CUEDC2: variants seen among roughly 807,000 people sequenced by gnomAD.
CUEDC2 encodes CUE domain containing 2.
Under a neutral mutation model 36.0 loss-of-function variants are expected in CUEDC2, and 10 were observed. The ratio of observed to expected loss-of-function variants is 0.28; its 90% CI spans 0.17 to 0.47. The LOEUF (loss-of-function observed/expected upper bound fraction) is 0.47, where lower values mean the gene tolerates loss of function less well. Ranked by LOEUF, CUEDC2 falls within the 20% of genes least tolerant of loss-of-function variation. The pLI is 0.99. For missense variants in CUEDC2, 269 were observed against 368.1 expected (o/e 0.73, Z 2.20); for synonymous variants, 133 against 141.8 (o/e 0.94, Z 0.44).
In CUEDC2 at chr10:102,424,932, C is replaced by A. The variant is rs2061590547; in HGVS notation, c.75-140G>T. On this transcript the variant is annotated intron_variant, in intron 2 of 8. Coordinates refer to ENST00000369937, the MANE Select transcript of CUEDC2 (RefSeq NM_024040.3). The surrounding 1 kb of genome is among the most constrained non-coding windows in gnomAD (Gnocchi z 4.2). ...CTTTAAGGCCAGAGAGTATAACCCCCTCCCTCAGAGCTATGGTTTCCCATC... is the reference window on the plus strand; with the variant it reads ...CTTTAAGGCCAGAGAGTATAACCCCATCCCTCAGAGCTATGGTTTCCCATC... 9.7e-7 allele frequency: 1 copy of A among 1,030,652 alleles called. No homozygotes were observed. Among genetic ancestry groups the A allele is most frequent in the Non-Finnish European group, 1.4e-6 (1 of 707,670 alleles). The allele number at this position is 1,030,652 out of a possible 1,614,324, so 63.8% of individuals were successfully genotyped here.
At chr10:102,425,247 C>T (rs1347827890) in intron 1 of CUEDC2, 49 bp from the exon 2 acceptor site, 3 of 1,411,266 alleles carry the variant, frequency 2.1e-6, no homozygotes, top group Admixed American at 1.7e-5. Context: ...CCTGCCCCCA[C>T]CCACTGGGCC....
intron 1 of CUEDC2, among the ~76,000 whole-genome samples, chr10:102,428,483 C>T (rs2061605816): frequency 6.6e-6 from 1 of 152,162 alleles, no homozygotes; most frequent in Non-Finnish European, 1.5e-5. Flanking sequence ...CCAGCACGGG[C>T]ATTTTTCTAG....
rs80152299 is a variant in CUEDC2, at chr10:102,430,746, G to A, written c.-11+1780C>T. On this transcript the variant is annotated intron_variant, in intron 1 of 8. Coordinates refer to ENST00000369937, the MANE Select transcript of CUEDC2 (RefSeq NM_024040.3). ...TCCTAAGTACATCCTTCCTGCTCAG[G>A]GGCTCCTAATACTTCTCCCCGCATA... 9.1e-3 allele frequency among the ~76,000 whole-genome samples: 1,384 copies of A among 152,210 alleles called. 19 individuals are homozygous for A. Among genetic ancestry groups the A allele is most frequent in the East Asian group, 0.074 (382 of 5,182 alleles).
chr10:102,426,514 C>A (rs145943166), intron 1 of CUEDC2, among the ~76,000 whole-genome samples: 20 of 152,316 alleles, frequency 1.3e-4, no homozygotes, highest in African/African-American at 4.3e-4. Context: ...CCTCTTTCAC[C>A]CCTACCAGTC....
At chr10:102,427,257 CCTT>C (rs2061600450) in intron 1 of CUEDC2, among the ~76,000 whole-genome samples, 1 of 152,168 alleles carries the variant, frequency 6.6e-6, no homozygotes, top group African/African-American at 2.4e-5. Context: ...GGCTGCCTCT[CCTT>C]CTCACTGCAG....
chr10:102,428,234 C>T (rs2061604903), intron 1 of CUEDC2, among the ~76,000 whole-genome samples: 1 of 151,510 alleles, frequency 6.6e-6, no homozygotes, highest in South Asian at 2.1e-4. Flanking sequence ...ACAAAGCACC[C>T]GGCCCCACCC....
chr10:102,429,514 T>A (rs1451304955), intron 1 of CUEDC2, among the ~76,000 whole-genome samples: 1 of 151,320 alleles, frequency 6.6e-6, no homozygotes. Flanking sequence ...TACAGTTGCC[T>A]GGTCCCGAGT....
Position 102,432,051 on chromosome 10 carries a change from T to C in CUEDC2, c.-11+475A>G, listed in dbSNP as rs114489414. 5.1e-3 allele frequency among the ~76,000 whole-genome samples: 777 copies of C among 152,188 alleles called. 5 individuals are homozygous for C. Among genetic ancestry groups the C allele is most frequent in the African/African-American group, 0.018 (733 of 41,518 alleles). On this transcript the variant is annotated intron_variant, in intron 1 of 8. Transcript: ENST00000369937. ...GGTCTTCACTGCTTCTCCCAGCCCC[T>C]GTGAAGCCCGGTTCCTGAGGCCCTG...
chr10:102,424,384 T>C lies in CUEDC2; in HGVS notation c.291A>G (p.Gln97=), dbSNP rs193231734. The stretch of plus-strand genomic sequence containing the variant: ...GACCTTGGACACCAGAGCTCTGCGG[T>C]TGCAGGTTCTCTTAAAGAGGCAAAG... The part of the protein sequence containing the change: ...LSDARNKENL[Q]PQSSGVQGQV... Residue 97 remains glutamine, a synonymous_variant, in exon 5 of 9, where the codon CAA becomes CAG. Coordinates refer to ENST00000369937, the MANE Select transcript of CUEDC2 (RefSeq NM_024040.3). This position sits in a 1 kb window ranked among gnomAD's most constrained non-coding sequence, Gnocchi z 4.2. 2.0e-4 allele frequency: 316 copies of C among 1,614,000 alleles called. No homozygotes were observed. The African/African-American group carries it at 3.7e-3, about 19-fold the overall frequency.
In CUEDC2 at chr10:102,424,686, T is replaced by A. The variant is rs1168244291; in HGVS notation, c.181A>T (p.Met61Leu). The change falls in exon 3 of 9, where the codon ATG (methionine) becomes TTG (leucine). Residue 61 changes from methionine (M) to leucine (L), a missense_variant. Coordinates refer to ENST00000369937, the MANE Select transcript of CUEDC2 (RefSeq NM_024040.3). This position sits in a 1 kb window ranked among gnomAD's most constrained non-coding sequence, Gnocchi z 4.2. Reference sequence around the variant, plus strand: ...GCGAAGCCAGGCACATAGGCCTCCATCATCTCAGTGAAAGCCTCCATATCG... The same window carrying A: ...GCGAAGCCAGGCACATAGGCCTCCAACATCTCAGTGAAAGCCTCCATATCG... ...NFDMEAFTEM[M>L]EAYVPGFAHI... The A allele has an allele frequency of 2.5e-6, 4 of 1,614,136 alleles. No individual in the cohort carries two copies. The highest frequency in any genetic ancestry group is 3.4e-6 in the Non-Finnish European group (4 of 1,180,006).
At chr10:102,428,045 G>A (rs947687214) in intron 1 of CUEDC2, among the ~76,000 whole-genome samples, 5 of 152,204 alleles carry the variant, frequency 3.3e-5, no homozygotes, top group Admixed American at 2.0e-4. Flanking sequence ...GGGTTCAAGC[G>A]ATTCTCCTGC....
At position 102,424,725 on chromosome 10, in the gene CUEDC2, A is replaced by C; in HGVS notation, c.142T>G (p.Ser48Ala). 1 of 1,614,072 alleles carries C rather than the reference A, an allele frequency of 6.2e-7. No homozygotes were observed. Among genetic ancestry groups the C allele is most frequent in the Non-Finnish European group, 8.5e-7 (1 of 1,179,976 alleles). The change falls in exon 3 of 9, where the codon TCA becomes GCA. Residue 48 changes from serine (S) to alanine (A), a missense_variant. Transcript: ENST00000369937. The surrounding 1 kb of genome is among the most constrained non-coding windows in gnomAD (Gnocchi z 4.2). ...VLEDLGPSGP[S>A]EENFDMEAFT... ...GCCTCCATATCGAAGTTCTCCTCTG[A>C]TGGGCCCGAGGGGCCCAGGTCCTCC...
rs1565236077 is a variant in CUEDC2 at position 102,423,370 on chromosome 10, C to T, written c.*56G>A. 2 of 1,610,754 alleles carry T rather than the reference C, an allele frequency of 1.2e-6. No homozygotes were observed. The highest frequency in any genetic ancestry group is 1.7e-6 in the Non-Finnish European group (2 of 1,177,836). The stretch of plus-strand genomic sequence containing the variant: ...GGCCCCTGTGTAGGGGTATAGGGCT[C>T]CTGCATCCCTCTGGGATCTGAGCCT... On this transcript the variant is annotated 3_prime_UTR_variant, in exon 9 of 9. Transcript: ENST00000369937. The surrounding 1 kb of genome is among the most constrained non-coding windows in gnomAD (Gnocchi z 5.6).
At position 102,423,634 on chromosome 10, in the gene CUEDC2, C is replaced by T; in HGVS notation, c.717+23G>A. 6.2e-7 allele frequency: 1 copy of T among 1,614,160 alleles called. No homozygotes were observed. Among genetic ancestry groups the T allele is most frequent in the East Asian group, 2.2e-5 (1 of 44,884 alleles). Reference sequence around the variant, plus strand: ...AGCCAGTCCCACCCATTCCGCATCCCCAGCAACCCTTAACTCTCTCACCTC... The same window carrying T: ...AGCCAGTCCCACCCATTCCGCATCCTCAGCAACCCTTAACTCTCTCACCTC... On this transcript the variant is annotated intron_variant, in intron 8 of 8. Transcript: ENST00000369937. This position sits in a 1 kb window ranked among gnomAD's most constrained non-coding sequence, Gnocchi z 5.6.
At chr10:102,427,912 C>T (rs1383138694) in intron 1 of CUEDC2, among the ~76,000 whole-genome samples, 1 of 152,136 alleles carries the variant, frequency 6.6e-6, no homozygotes, top group African/African-American at 2.4e-5. Flanking sequence ...ATTTCCCTCC[C>T]TCCACCCTGG....
chr10:102,431,483 A>G (rs1032566052), intron 1 of CUEDC2, among the ~76,000 whole-genome samples: 5 of 152,156 alleles, frequency 3.3e-5, no homozygotes, highest in African/African-American at 1.2e-4. Context: ...TGAAGGCACT[A>G]TGAGGTTAAG....
chr10:102,425,538 C>T (rs1018984184), intron 1 of CUEDC2, among the ~76,000 whole-genome samples: 3 of 150,052 alleles, frequency 2.0e-5, no homozygotes, highest in Non-Finnish European at 4.4e-5. Context: ...CTCAGGAATC[C>T]CATCACTGAG....
Position 102,424,192 on chromosome 10 carries a change from C to A in CUEDC2, c.412-14G>T, listed in dbSNP as rs201668460. 4 of 1,612,748 alleles carry A rather than the reference C, an allele frequency of 2.5e-6. No homozygotes were observed. Among genetic ancestry groups the A allele is most frequent in the African/African-American group, 1.3e-5 (1 of 74,900 alleles). ...AGCGCCAGTTGCCTAAGGGTACAAA[C>A]GTTAACAAGAGGCAATACTCCCCCC... On this transcript the variant is annotated splice_polypyrimidine_tract_variant and intron_variant, in intron 5 of 8. Coordinates refer to ENST00000369937, the MANE Select transcript of CUEDC2 (RefSeq NM_024040.3). The surrounding 1 kb of genome is among the most constrained non-coding windows in gnomAD (Gnocchi z 4.2).
Position 102,424,722 on chromosome 10 carries a change from C to G in CUEDC2, c.145G>C (p.Glu49Gln), listed in dbSNP as rs917018551. ...AAAGCCTCCATATCGAAGTTCTCCT[C>G]TGATGGGCCCGAGGGGCCCAGGTCC... ...LEDLGPSGPS[E>Q]ENFDMEAFTE... is the part of the protein sequence containing the mutation. The change falls in exon 3 of 9, where the codon GAG (glutamate) becomes CAG (glutamine). Residue 49 changes from glutamate to glutamine, a missense_variant. Glu to Gln is a conservative substitution (Grantham distance 29, BLOSUM62 2). Coordinates refer to ENST00000369937, the MANE Select transcript of CUEDC2 (RefSeq NM_024040.3). The surrounding 1 kb of genome is among the most constrained non-coding windows in gnomAD (Gnocchi z 4.2). 1 of 1,614,142 alleles carries G rather than the reference C, an allele frequency of 6.2e-7. No individual in the cohort carries two copies. The highest frequency in any genetic ancestry group is 8.5e-7 in the Non-Finnish European group (1 of 1,180,002).
Sources: gnomAD v4.1 joint callset for allele counts (sites outside exome capture counted in the v4.1 genomes callset) on GRCh38, gnomAD v4.1.1 for gene constraint, Gnocchi (gnomAD v3.1) non-coding constraint, MANE v1.5 for transcripts, NCBI Gene and HGNC (gene_info 2026-07-23, HGNC 2026-07-21) for gene names.